Variants in ZMYM2 observed in about 807,000 individuals in gnomAD.
ZMYM2 encodes zinc finger MYM-type containing 2.
ZMYM2 carries 56 observed loss-of-function variants against 162.8 expected under a neutral mutation model. That is an observed-to-expected ratio of 0.34 (90% CI 0.28 to 0.43). The LOEUF (loss-of-function observed/expected upper bound fraction) is 0.43, where lower values mean the gene tolerates loss of function less well. Ranked by LOEUF, ZMYM2 falls within the 20% of genes least tolerant of loss-of-function variation. The pLI, the probability that ZMYM2 is intolerant of heterozygous loss-of-function variation, is 1.00. For missense variants in ZMYM2, 1,275 were observed against 1,621.8 expected (o/e 0.79, Z 3.67); for synonymous variants, 510 against 541.6 (o/e 0.94, Z 0.81).
the ZMYM2 span, among the ~76,000 whole-genome samples, chr13:19,896,825 A>G: frequency 6.6e-6 from 1 of 151,552 alleles, no homozygotes; most frequent in African/African-American, 2.4e-5. Context: ...ATATAATCCC[A>G]GCACTTGGGG....
At chr13:19,957,141 GATTT>G (rs941605686), upstream of ZMYM2, among the ~76,000 whole-genome samples, 28 of 151,916 alleles carry the variant, frequency 1.8e-4, no homozygotes, top group Non-Finnish European at 4.0e-4. Context: ...AAGCCTACTT[GATTT>G]ATTTTTTTTA....
At chr13:20,028,028 A>G (rs1284567442) in intron 9 of ZMYM2, 1 of 179,642 alleles carries the variant, frequency 5.6e-6, no homozygotes, top group Non-Finnish European at 1.2e-5. Flanking sequence ...GCCATGCTTC[A>G]TGAGTTAATT....
chr13:19,991,775 A>T (rs1179520303), intron 2 of ZMYM2, among the ~76,000 whole-genome samples: 1 of 151,760 alleles, frequency 6.6e-6, no homozygotes, highest in East Asian at 2.0e-4. Context: ...GACTACAGGC[A>T]TGTGCTAACA....
At chr13:19,873,609 A>G in the ZMYM2 span, among the ~76,000 whole-genome samples, 1 of 151,846 alleles carries the variant, frequency 6.6e-6, no homozygotes, top group African/African-American at 2.4e-5. Context: ...GGGTTTTGCC[A>G]TGTTGGTCAG....
chr13:20,069,326 A>T (rs1037036947), intron 21 of ZMYM2, among the ~76,000 whole-genome samples: 15 of 152,038 alleles, frequency 9.9e-5, no homozygotes, highest in Non-Finnish European at 2.1e-4. Context: ...ACAGTGTTGA[A>T]TGGAATTAGT....
At chr13:19,908,421 C>T in the ZMYM2 span, among the ~76,000 whole-genome samples, 2 of 152,148 alleles carry the variant, frequency 1.3e-5, no homozygotes, top group African/African-American at 2.4e-5. Context: ...CATAAAGATA[C>T]CCTGTCTCTA....
intron 13 of ZMYM2, among the ~76,000 whole-genome samples, chr13:20,052,005 A>G (rs956357475): frequency 6.6e-6 from 1 of 152,104 alleles, no homozygotes; most frequent in African/African-American, 2.4e-5. Context: ...TAAAAAAAAT[A>G]TCATTTAAGA....
At chr13:20,076,788 T>C (rs994753062) in intron 21 of ZMYM2, among the ~76,000 whole-genome samples, 40 of 150,516 alleles carry the variant, frequency 2.7e-4, no homozygotes, top group Non-Finnish European at 4.6e-4. Flanking sequence ...ATAGAGGATT[T>C]CTAAGCTTAT....
the ZMYM2 span, among the ~76,000 whole-genome samples, chr13:19,944,686 T>C: frequency 6.6e-6 from 1 of 152,152 alleles, no homozygotes; most frequent in Non-Finnish European, 1.5e-5. Context: ...TTTATTTATT[T>C]AGAGATGGAG....
the ZMYM2 span, among the ~76,000 whole-genome samples, chr13:19,868,837 A>G: frequency 2.3e-4 from 35 of 152,148 alleles, no homozygotes; most frequent in Non-Finnish European, 4.0e-4. Context: ...TGCAACTTCC[A>G]CCTCCTGGGT....
At chr13:19,990,860 A>G (rs1949544742) in intron 2 of ZMYM2, among the ~76,000 whole-genome samples, 1 of 152,070 alleles carries the variant, frequency 6.6e-6, no homozygotes, top group Non-Finnish European at 1.5e-5. Flanking sequence ...CCTATCTACA[A>G]TTTAATCTAT....
At chr13:19,886,162 C>CTTTTTTTTT in the ZMYM2 span, among the ~76,000 whole-genome samples, 128 of 98,412 alleles carry the variant, frequency 1.3e-3, no homozygotes, top group Non-Finnish European at 1.7e-3. Flanking sequence ...TTCTTTCTTT[C>CTTTTTTTTT]TTTTTTTTTT....
chr13:19,985,130 TTTG>T (rs1566218261), intron 2 of ZMYM2, among the ~76,000 whole-genome samples: 2 of 152,186 alleles, frequency 1.3e-5, no homozygotes, highest in Non-Finnish European at 2.9e-5. Flanking sequence ...CATTGTGTTT[TTTG>T]TTGTTGTTGA....
chr13:20,086,276 A>G lies in ZMYM2; in HGVS notation c.*262A>G, dbSNP rs1958262500. On this transcript the variant is annotated 3_prime_UTR_variant, in exon 25 of 25. Coordinates refer to ENST00000610343, the MANE Select transcript of ZMYM2 (RefSeq NM_197968.4). ...ATTAGGTATGTTTGTAACTTTTTAC[A>G]TTACAGAATATGAATGAGAATGTGC... is the stretch of plus-strand genomic sequence containing the variant. 1 of 295,706 alleles carries G rather than the reference A, an allele frequency of 3.4e-6. No homozygotes were observed. The highest frequency in any genetic ancestry group is 6.4e-6 in the Non-Finnish European group (1 of 157,374). 18.3% of individuals were successfully genotyped at this position (295,706 alleles called of 1,614,324 possible).
the ZMYM2 span, among the ~76,000 whole-genome samples, chr13:19,922,531 A>AT: frequency 1.1e-4 from 16 of 151,848 alleles, no homozygotes; most frequent in Non-Finnish European, 2.4e-4. Flanking sequence ...TCACTTTTGA[A>AT]TTTTTTTTCT....
the ZMYM2 span, among the ~76,000 whole-genome samples, chr13:19,884,223 G>T: frequency 3.3e-5 from 5 of 152,028 alleles, no homozygotes; most frequent in African/African-American, 1.2e-4. Flanking sequence ...TTAAAAATTA[G>T]CCAAGCACAG....
intron 14 of ZMYM2, 100 bp downstream of exon 14, chr13:20,052,411 G>GTTTTT: frequency 9.6e-7 from 1 of 1,037,020 alleles, no homozygotes; most frequent in Non-Finnish European, 1.3e-6. Flanking sequence ...AATTTTTTTG[G>GTTTTT]TTTTTTTTTT....
At chr13:19,867,350 C>CA in the ZMYM2 span, among the ~76,000 whole-genome samples, 23,799 of 101,286 alleles carry the variant, frequency 0.23, 2,532 homozygotes, top group African/African-American at 0.36. Flanking sequence ...AACTCCATCT[C>CA]AAAAAAAAAA....
chr13:20,044,085 C>G (rs188597318), intron 12 of ZMYM2, among the ~76,000 whole-genome samples: 16 of 152,268 alleles, frequency 1.1e-4, no homozygotes, highest in African/African-American at 3.9e-4. Flanking sequence ...CCGCAGAGTT[C>G]AGATCTGACA....
Sources: gnomAD v4.1 joint callset for allele counts (sites outside exome capture counted in the v4.1 genomes callset) on GRCh38, gnomAD v4.1.1 for gene constraint, MANE v1.5 for transcripts, NCBI Gene and HGNC (gene_info 2026-07-23, HGNC 2026-07-21) for gene names.